TBC1D14: variants seen among roughly 807,000 people sequenced by gnomAD.
TBC1D14 encodes TBC1 domain family, member 14.
Under a neutral mutation model 79.0 loss-of-function variants are expected in TBC1D14, and 26 were observed. The ratio of observed to expected loss-of-function variants is 0.33; its 90% CI spans 0.24 to 0.46. The LOEUF is 0.46. Among genes scored for constraint, TBC1D14 ranks in the 20% least tolerant of loss-of-function variants. TBC1D14 has a pLI of 1.00. For synonymous variants in TBC1D14, 394 were observed against 349.9 expected, an observed-to-expected ratio of 1.13 and a Z score of -1.40; for missense variants, 769 against 887.6, an observed-to-expected ratio of 0.87 and a Z score of 1.70.
intron 6 of TBC1D14, among the ~76,000 whole-genome samples, chr4:7,000,936 G>C (rs919242449): frequency 1.3e-5 from 2 of 152,164 alleles, no homozygotes; most frequent in African/African-American, 4.8e-5. Context: ...GCTATGCTGT[G>C]CTCCTCCATA....
At chr4:7,023,107 A>G (rs1276975511) in intron 12 of TBC1D14, among the ~76,000 whole-genome samples, 1 of 152,082 alleles carries the variant, frequency 6.6e-6, no homozygotes, top group East Asian at 1.9e-4. Context: ...TACAAAAATT[A>G]GCCGGGCATG....
At chr4:6,915,334 A>G (rs1723311034) in intron 1 of TBC1D14, among the ~76,000 whole-genome samples, 1 of 151,772 alleles carries the variant, frequency 6.6e-6, no homozygotes, top group African/African-American at 2.4e-5. Context: ...CCTCAGGTCA[A>G]CCCCCTGCGA....
At position 7,030,259 on chromosome 4, in the gene TBC1D14, T is replaced by C. The variant is rs1436727034; in HGVS notation, c.2017-68T>C. On this transcript the variant is annotated intron_variant, in intron 13 of 13. Transcript: ENST00000409757. ...CCTGTTAGGAGGCTACTGCTGTCTCTGCTTCGCTGCTGTCAGGATCTGTGT... is the reference window on the plus strand; with the variant it reads ...CCTGTTAGGAGGCTACTGCTGTCTCCGCTTCGCTGCTGTCAGGATCTGTGT... 1.3e-5 allele frequency: 19 copies of C among 1,518,116 alleles called. No individual in the cohort carries two copies. In the South Asian group the frequency reaches 1.8e-4, roughly 14 times the overall value. The allele number at this position is 1,518,116 out of a possible 1,614,324, so 94.0% of individuals were successfully genotyped here.
intron 1 of TBC1D14, among the ~76,000 whole-genome samples, chr4:6,911,958 A>AT (rs1427468995): frequency 6.6e-6 from 1 of 151,816 alleles, no homozygotes; most frequent in Non-Finnish European, 1.5e-5. Flanking sequence ...CTTTAAAAAA[A>AT]TTTTTTTTTA....
intron 2 of TBC1D14, among the ~76,000 whole-genome samples, chr4:6,939,636 C>G (rs1712711094): frequency 6.6e-6 from 1 of 151,576 alleles, no homozygotes; most frequent in African/African-American, 2.4e-5. Context: ...TCTCCCAAAT[C>G]AAAGCACCCA....
At chr4:6,966,616 GT>G (rs1315890945) in intron 2 of TBC1D14, among the ~76,000 whole-genome samples, 6 of 152,200 alleles carry the variant, frequency 3.9e-5, no homozygotes, top group African/African-American at 1.4e-4. Context: ...GTGTGCCCTT[GT>G]TAAATGTAGG....
chr4:6,922,844 C>T lies in TBC1D14; in HGVS notation c.-17-529C>T, dbSNP rs539206704. On this transcript the variant is annotated intron_variant, in intron 1 of 13. Transcript: ENST00000409757. ...GGGAGCGTGATGATTATTTTTACTT[C>T]GGGTGCATCCTTTGTTTGGGTTATC... Among the ~76,000 whole-genome samples the T allele has an allele frequency of 5.3e-5, 8 of 152,092 alleles. No homozygotes were observed. The East Asian group carries it at 7.7e-4, about 15-fold the overall frequency.
At chr4:6,993,296 G>A (rs756860375) in intron 3 of TBC1D14, among the ~76,000 whole-genome samples, 5 of 152,116 alleles carry the variant, frequency 3.3e-5, no homozygotes, top group Admixed American at 6.5e-5. Context: ...TTTGCACAGA[G>A]CGAAGTACCT....
chr4:7,017,535 C>A (rs6446561), intron 12 of TBC1D14, among the ~76,000 whole-genome samples: 68,128 of 152,132 alleles, frequency 0.45, 16,461 homozygotes, highest in African/African-American at 0.63. Context: ...AGTGTAGAAC[C>A]TGGGTTGGAC....
chr4:6,962,442 A>G (rs1277008598), intron 2 of TBC1D14, among the ~76,000 whole-genome samples: 1 of 152,084 alleles, frequency 6.6e-6, no homozygotes, highest in African/African-American at 2.4e-5. Flanking sequence ...ACCAGGGTTA[A>G]TGAGTGCTCT....
chr4:6,971,136 G>A (rs1246632763), intron 3 of TBC1D14, among the ~76,000 whole-genome samples: 2 of 152,250 alleles, frequency 1.3e-5, no homozygotes, highest in Non-Finnish European at 2.9e-5. Flanking sequence ...CAGGAGCTTT[G>A]GACTTGCAGG....
At chr4:6,955,189 A>C (rs367828495) in intron 2 of TBC1D14, among the ~76,000 whole-genome samples, 1 of 152,202 alleles carries the variant, frequency 6.6e-6, no homozygotes, top group East Asian at 1.9e-4. Context: ...TTTTCAAAGG[A>C]GAGTCAGAGG....
chr4:7,026,104 T>C (rs191741995), intron 13 of TBC1D14, among the ~76,000 whole-genome samples: 10 of 152,128 alleles, frequency 6.6e-5, no homozygotes, highest in Non-Finnish European at 1.2e-4. Flanking sequence ...CCTCCCAGGC[T>C]CAGGTGACCA....
At chr4:6,938,529 G>A (rs1398288416) in intron 2 of TBC1D14, among the ~76,000 whole-genome samples, 2 of 152,166 alleles carry the variant, frequency 1.3e-5, no homozygotes, top group African/African-American at 4.8e-5. Context: ...GTGTCCCCTT[G>A]GCCTTCCCAC....
chr4:6,969,525 C>G (rs1348269222), intron 3 of TBC1D14, among the ~76,000 whole-genome samples: 1 of 152,132 alleles, frequency 6.6e-6, no homozygotes, highest in African/African-American at 2.4e-5. Flanking sequence ...CCTGCCTCAG[C>G]CTCCCCAGTA....
rs556325645 is a variant in TBC1D14, at chr4:6,991,856, A to G, written c.844-2328A>G. Among the ~76,000 whole-genome samples the G allele has an allele frequency of 6.6e-5, 10 of 152,320 alleles. No individual in the cohort carries two copies. In the South Asian group the frequency reaches 1.9e-3, roughly 28 times the overall value. ...CCGCCACTGTTTGTTGCTGTTGGTA[A>G]TAGTAAGAAGCTCTGACTGAAGCGA... On this transcript the variant is annotated intron_variant, in intron 3 of 13. Coordinates refer to ENST00000409757, the MANE Select transcript of TBC1D14 (RefSeq NM_020773.3).
At position 6,920,433 on chromosome 4, in the gene TBC1D14, C is replaced by G. The variant is rs149456885; in HGVS notation, c.-17-2940C>G. 1.2e-4 allele frequency among the ~76,000 whole-genome samples: 19 copies of G among 152,256 alleles called. No individual in the cohort carries two copies. The East Asian group carries it at 3.7e-3, about 29-fold the overall frequency. On this transcript the variant is annotated intron_variant, in intron 1 of 13. Transcript: ENST00000409757. ...GGGACTACAGGCATGAGCCACTGCA[C>G]CTGGCTCCCCTTTTTCTGCTTTTAA...
At chr4:6,912,171 A>C (rs1442330869) in intron 1 of TBC1D14, among the ~76,000 whole-genome samples, 1 of 152,082 alleles carries the variant, frequency 6.6e-6, no homozygotes, top group Non-Finnish European at 1.5e-5. Flanking sequence ...TGGGTGGATC[A>C]CAAGGTCAGG....
chr4:6,911,442 C>T (rs1323993081), intron 1 of TBC1D14, among the ~76,000 whole-genome samples: 1 of 152,236 alleles, frequency 6.6e-6, no homozygotes, highest in African/African-American at 2.4e-5. Flanking sequence ...TCGGTATCCT[C>T]CGCTGTTCCA....
Sources: allele counts gnomAD v4.1 joint callset (sites outside exome capture counted in the v4.1 genomes callset), GRCh38; gene constraint gnomAD v4.1.1; transcripts MANE v1.5; gene names NCBI Gene and HGNC (gene_info 2026-07-23, HGNC 2026-07-21).